Variants in RIC3 observed in about 807,000 individuals in gnomAD.
RIC3 encodes the protein RIC3 acetylcholine receptor chaperone, also known as protein RIC-3.
RIC3 carries 28 observed loss-of-function variants against 27.3 expected under a neutral mutation model. The observed-to-expected ratio is 1.02, with a 90% CI of 0.76 to 1.41. The LOEUF (loss-of-function observed/expected upper bound fraction) is 1.41. Ranked by LOEUF, RIC3 falls within the 40% of genes most tolerant of loss-of-function variation. RIC3 has a pLI of 0.00. For synonymous variants in RIC3, 184 were observed against 160.4 expected (o/e 1.15, Z -1.11); for missense variants, 501 against 444.7 (o/e 1.13, Z -1.14).
At chr11:8,096,806 G>GGTGA in the RIC3 span, 17 of 1,614,024 alleles carry the variant, frequency 1.1e-5, no homozygotes, top group Non-Finnish European at 1.4e-5. Flanking sequence ...AGTCCGTCAG[G>GGTGA]GTGAGTGAGT....
At chr11:8,145,022 G>A (rs1949518755) in intron 1 of RIC3, among the ~76,000 whole-genome samples, 1 of 101,296 alleles carries the variant, frequency 9.9e-6, no homozygotes, top group Non-Finnish European at 1.9e-5. Context: ...ACACTCTGGG[G>A]ACTGTGGTGG....
At chr11:8,095,474 C>T in the RIC3 span, 56 of 1,593,432 alleles carry the variant, frequency 3.5e-5, no homozygotes, top group Non-Finnish European at 4.7e-5. Flanking sequence ...CTGGATGTAA[C>T]TCAGGCGTGT....
Position 8,126,668 on chromosome 11 carries a change from C to G in RIC3, c.661G>C (p.Asp221His). 6.2e-7 allele frequency: 1 copy of G among 1,614,094 alleles called. No homozygotes were observed. Among genetic ancestry groups the G allele is most frequent in the Non-Finnish European group, 8.5e-7 (1 of 1,179,986 alleles). ...AGAAGACACTGTTTACCTTCCCAGTCCTCCATGTAAGGGGCCTCCTCAGCT... is the reference window on the plus strand; with the variant it reads ...AGAAGACACTGTTTACCTTCCCAGTGCTCCATGTAAGGGGCCTCCTCAGCT... ...KEAEEAPYME[D>H]WEGYPEETYP... The change falls in exon 5 of 6, where the codon GAC becomes CAC. Residue 221 changes from aspartate to histidine, a missense_variant. Physicochemically the swap from Asp to His is moderately conservative, Grantham distance 81. Transcript: ENST00000309737.
chr11:8,094,833 G>C, the RIC3 span, among the ~76,000 whole-genome samples: 1 of 152,234 alleles, frequency 6.6e-6, no homozygotes, highest in Admixed American at 6.5e-5. Context: ...GTTGGACAGT[G>C]ATGTGTCACA....
chr11:8,117,382 G>T (rs572204131), intron 5 of RIC3, among the ~76,000 whole-genome samples: 1 of 152,102 alleles, frequency 6.6e-6, no homozygotes, highest in African/African-American at 2.4e-5. Flanking sequence ...CTTTCAAAAA[G>T]GAAATCCTGT....
intron 5 of RIC3, among the ~76,000 whole-genome samples, chr11:8,125,475 A>G (rs1255045832): frequency 6.6e-6 from 1 of 152,204 alleles, no homozygotes; most frequent in African/African-American, 2.4e-5. Flanking sequence ...AAAATTGGCA[A>G]ACTACTTGAA....
chr11:8,100,993 T>C, the RIC3 span: 3 of 1,614,060 alleles, frequency 1.9e-6, no homozygotes, highest in East Asian at 2.2e-5. Context: ...TCCATGGCAA[T>C]GACCGTGAGT....
At chr11:8,131,262 TATTA>T (rs1283997472) in intron 4 of RIC3, among the ~76,000 whole-genome samples, 3 of 152,168 alleles carry the variant, frequency 2.0e-5, no homozygotes, top group Non-Finnish European at 2.9e-5. Context: ...AAGACAGACT[TATTA>T]ATTAAAAAGA....
chr11:8,113,735 G>A (rs1945522632), intron 5 of RIC3, among the ~76,000 whole-genome samples: 1 of 152,078 alleles, frequency 6.6e-6, no homozygotes, highest in Non-Finnish European at 1.5e-5. Flanking sequence ...CTGCCCCTAT[G>A]GACCTAGGTT....
intron 1 of RIC3, among the ~76,000 whole-genome samples, chr11:8,150,845 A>G (rs1296476046): frequency 6.6e-6 from 1 of 152,224 alleles, no homozygotes; most frequent in East Asian, 1.9e-4. Context: ...TTAGACAATA[A>G]CAGAAACCAA....
At chr11:8,168,833 C>T (rs1476722166) in intron 1 of RIC3, 33 bp downstream of exon 1, 2 of 1,598,528 alleles carry the variant, frequency 1.3e-6, no homozygotes, top group Admixed American at 1.7e-5. Context: ...TCTTCGGCGC[C>T]GGGAAGCTCA....
the RIC3 span, chr11:8,096,620 T>G: frequency 9.5e-7 from 1 of 1,057,750 alleles, no homozygotes; most frequent in Non-Finnish European, 1.5e-6. Flanking sequence ...TATGTGACCA[T>G]GTGTATTTCA....
chr11:8,140,129 A>G lies in RIC3; in HGVS notation c.189T>C (p.Pro63=). The change falls in exon 2 of 6, where the codon CCT becomes CCC. Residue 63 remains proline (P), a synonymous_variant. Coordinates refer to ENST00000309737, the MANE Select transcript of RIC3 (RefSeq NM_001206671.4). ...HHQAPSDGQT[P]GARFQRSHLA... is the part of the protein sequence containing the mutation. ...GGTGAGACCTCTGGAAACGAGCCCCAGGAGTCTGGCCATCTGAGGGTGCCT... is the reference window on the plus strand; with the variant it reads ...GGTGAGACCTCTGGAAACGAGCCCCGGGAGTCTGGCCATCTGAGGGTGCCT... The G allele has an allele frequency of 6.2e-7, 1 of 1,614,112 alleles. No homozygotes were observed.
In RIC3 at chr11:8,107,125, AG is replaced by A. The variant is rs1317218998; in HGVS notation, c.*3572del. 1 of 152,372 alleles carries A rather than the reference AG, an allele frequency of 6.6e-6. No homozygotes were observed. Among genetic ancestry groups the A allele is most frequent in the East Asian group, 1.9e-4 (1 of 5,192 alleles). 9.4% of individuals were successfully genotyped at this position (152,372 alleles called of 1,614,324 possible). Reference sequence around the variant, plus strand: ...TATAAAAAAAGGGAAATAAAGGAAAAGGAAGCACATTTTAGAAAAGTCAATG... The same window carrying A: ...TATAAAAAAAGGGAAATAAAGGAAAAGAAGCACATTTTAGAAAAGTCAATG... On this transcript the variant is annotated 3_prime_UTR_variant, in exon 6 of 6. Transcript: ENST00000309737.
intron 1 of RIC3, among the ~76,000 whole-genome samples, chr11:8,142,446 C>G (rs2133958466): frequency 1.3e-5 from 2 of 151,398 alleles, no homozygotes; most frequent in South Asian, 2.1e-4. Context: ...ATAAATTCCT[C>G]AACACATACA....
At chr11:8,122,729 G>T (rs1946589662) in intron 5 of RIC3, among the ~76,000 whole-genome samples, 1 of 151,988 alleles carries the variant, frequency 6.6e-6, no homozygotes, top group South Asian at 2.1e-4. Flanking sequence ...AAGCTTTAAA[G>T]GATTCAACTA....
chr11:8,109,997 CAG>C lies in RIC3; in HGVS notation c.*699_*700del, dbSNP rs1351178306. 6.5e-6 allele frequency: 1 copy of C among 153,684 alleles called. No homozygotes were observed. Among genetic ancestry groups the C allele is most frequent in the East Asian group, 1.9e-4 (1 of 5,206 alleles). The allele number at this position is 153,684 out of a possible 1,614,324, so 9.5% of individuals were successfully genotyped here. ...GGCTTGGCAGTTCTGTTAAGCAGAACAGGGGTAAAGGAAGCTAGATATCCAGG... is the reference window on the plus strand; with the variant it reads ...GGCTTGGCAGTTCTGTTAAGCAGAACGGGTAAAGGAAGCTAGATATCCAGG... On this transcript the variant is annotated 3_prime_UTR_variant, in exon 6 of 6. Coordinates refer to ENST00000309737, the MANE Select transcript of RIC3 (RefSeq NM_001206671.4).
chr11:8,108,076 A>G lies in RIC3; in HGVS notation c.*2622T>C, dbSNP rs1944868946. 6.6e-6 allele frequency: 1 copy of G among 152,238 alleles called. No individual in the cohort carries two copies. The highest frequency in any genetic ancestry group is 1.5e-5 in the Non-Finnish European group (1 of 68,038). The allele number at this position is 152,238 out of a possible 1,614,324, so 9.4% of individuals were successfully genotyped here. ...GTACATCCAAATGTCTGATATATAA[A>G]TACACAAATATATTCCTTATATATA... On this transcript the variant is annotated 3_prime_UTR_variant, in exon 6 of 6. Coordinates refer to ENST00000309737, the MANE Select transcript of RIC3 (RefSeq NM_001206671.4).
At chr11:8,093,440 C>T in the RIC3 span, among the ~76,000 whole-genome samples, 1 of 152,144 alleles carries the variant, frequency 6.6e-6, no homozygotes, top group Non-Finnish European at 1.5e-5. Context: ...AATCAGAAAC[C>T]ATTCAAGGAT....
Sources: gnomAD v4.1 joint callset for allele counts (sites outside exome capture counted in the v4.1 genomes callset) on GRCh38, gnomAD v4.1.1 for gene constraint, MANE v1.5 for transcripts, NCBI Gene and HGNC (gene_info 2026-07-23, HGNC 2026-07-21) for gene names.